The following CEP78 variants were observed in gnomAD, a reference collection of about 807,000 sequenced individuals.
CEP78 encodes centrosomal protein 78, also known as centrosomal protein of 78 kDa.
In CEP78, 76 loss-of-function variants were observed where a neutral mutation model predicts 81.2. That is an observed-to-expected ratio of 0.94 (90% CI 0.78 to 1.13). CEP78 has a LOEUF of 1.13. Ranked by LOEUF, CEP78 falls within the 50% of genes most tolerant of loss-of-function variation. The pLI is 0.00. For missense variants in CEP78, 918 were observed against 846.8 expected (o/e 1.08, Z -1.04); for synonymous variants, 293 against 301.4 (o/e 0.97, Z 0.29).
At chr9:78,260,099 G>T (rs773950439) in intron 11 of CEP78, among the ~76,000 whole-genome samples, 1 of 152,218 alleles carries the variant, frequency 6.6e-6, no homozygotes, top group Non-Finnish European at 1.5e-5. Flanking sequence ...TAAGTCAACA[G>T]AGTAGAGGTG....
chr9:78,237,552 G>A (rs1407094070), intron 1 of CEP78, among the ~76,000 whole-genome samples: 1 of 152,172 alleles, frequency 6.6e-6, no homozygotes, highest in Non-Finnish European at 1.5e-5. Flanking sequence ...GAGTATGCAA[G>A]CTGAGTTACA....
intron 6 of CEP78, 115 bp from the exon 7 acceptor site, chr9:78,248,175 GA>G: frequency 1.5e-6 from 1 of 681,018 alleles, no homozygotes; most frequent in Non-Finnish European, 2.6e-6. Flanking sequence ...ACATTATGTG[GA>G]ATTCATATTC....
intron 5 of CEP78, among the ~76,000 whole-genome samples, chr9:78,246,416 G>A (rs552110581): frequency 6.6e-6 from 1 of 152,218 alleles, no homozygotes; most frequent in South Asian, 2.1e-4. Context: ...TGGCTAACAC[G>A]GTGAAACCCT....
At chr9:78,263,393 A>G (rs1009520482) in intron 12 of CEP78, among the ~76,000 whole-genome samples, 1 of 152,196 alleles carries the variant, frequency 6.6e-6, no homozygotes, top group African/African-American at 2.4e-5. Context: ...TAAGAATGCA[A>G]TGAAAGATAA....
chr9:78,241,964 T>TA lies in CEP78; in HGVS notation c.603+166dup, dbSNP rs369820391. Among the ~76,000 whole-genome samples, 768 of 152,378 alleles carry TA rather than the reference T, an allele frequency of 5.0e-3. 7 individuals are homozygous for TA. Among genetic ancestry groups the TA allele is most frequent in the African/African-American group, 0.017 (689 of 41,590 alleles). ...ATTTTCAGCCTGGGGTTCTACCATT[T>TA]ATTAAAGGTAGTATGCTTAATCTTA... On this transcript the variant is annotated intron_variant, in intron 4 of 16. Coordinates refer to ENST00000643273, the MANE Select transcript of CEP78 (RefSeq NM_001330691.3).
At position 78,274,885 on chromosome 9, in the gene CEP78, A is replaced by G. The variant is rs1313328943; in HGVS notation, c.*4034A>G. 3 of 152,218 alleles carry G rather than the reference A, an allele frequency of 2.0e-5. No individual in the cohort carries two copies. Among genetic ancestry groups the G allele is most frequent in the Admixed American group, 6.5e-5 (1 of 15,288 alleles). 9.4% of individuals were successfully genotyped at this position (152,218 alleles called of 1,614,324 possible). A position where few individuals can be genotyped will look rare whatever the true frequency, so the allele number is the denominator to read the frequency against. On this transcript the variant is annotated 3_prime_UTR_variant, in exon 17 of 17. Transcript: ENST00000643273. ...ATTTTGATTTACTTTCCAGGAAGAA[A>G]GAAGACAAAAGAGATGAATTAAACA...
chr9:78,250,032 A>T (rs930190361), intron 8 of CEP78: 2 of 356,612 alleles, frequency 5.6e-6, no homozygotes, highest in Non-Finnish European at 9.9e-6. Flanking sequence ...TGGCTAAGAT[A>T]TAAAACAATT....
intron 5 of CEP78, among the ~76,000 whole-genome samples, chr9:78,244,413 C>T (rs1826385714): frequency 6.6e-6 from 1 of 152,136 alleles, no homozygotes; most frequent in Non-Finnish European, 1.5e-5. Flanking sequence ...CAGGCATGAG[C>T]CACTGTGCCC....
At chr9:78,261,693 C>T (rs1353561917) in intron 11 of CEP78, among the ~76,000 whole-genome samples, 1 of 152,124 alleles carries the variant, frequency 6.6e-6, no homozygotes, top group Non-Finnish European at 1.5e-5. Flanking sequence ...ATTCTTCTTT[C>T]TCCAATTGTG....
In CEP78 at chr9:78,236,485, C is replaced by T; in HGVS notation, c.135C>T (p.Phe45=). The change falls in exon 1 of 17, where the codon TTC becomes TTT. Residue 45 remains phenylalanine, a synonymous_variant. Transcript: ENST00000643273. ...GTCTCCGGGAGGGCGTGCTGGATTT[C>T]AACGCCGACCGCCTCCGCGGGGTGG... The part of the protein sequence containing the change: ...RACLREGVLD[F]NADRLRGVDW... 1 of 1,606,964 alleles carries T rather than the reference C, an allele frequency of 6.2e-7. No homozygotes were observed. Among genetic ancestry groups the T allele is most frequent in the Non-Finnish European group, 8.5e-7 (1 of 1,176,840 alleles).
At chr9:78,246,415 C>T (rs1041459226) in intron 5 of CEP78, among the ~76,000 whole-genome samples, 3 of 152,066 alleles carry the variant, frequency 2.0e-5, no homozygotes, top group Non-Finnish European at 4.4e-5. Context: ...CTGGCTAACA[C>T]GGTGAAACCC....
chr9:78,236,279 G>T lies in CEP78; in HGVS notation c.-72G>T. ...CCGTGGGTGCCGGAGCGGCCGGGTTGCGACTCAGCGTTCTTGGGTGGGCGC... is the reference window on the plus strand; with the variant it reads ...CCGTGGGTGCCGGAGCGGCCGGGTTTCGACTCAGCGTTCTTGGGTGGGCGC... On this transcript the variant is annotated 5_prime_UTR_variant, in exon 1 of 17. Transcript: ENST00000643273. 7.2e-7 allele frequency: 1 copy of T among 1,389,980 alleles called. No homozygotes were observed. The highest frequency in any genetic ancestry group is 1.3e-5 in the South Asian group (1 of 77,326). 86.1% of individuals were successfully genotyped at this position (1,389,980 alleles called of 1,614,324 possible).
At chr9:78,236,624 G>A in intron 1 of CEP78, 21 bp downstream of exon 1, 1 of 1,518,232 alleles carries the variant, frequency 6.6e-7, no homozygotes, top group Non-Finnish European at 8.8e-7. Flanking sequence ...CCCGCCTCCA[G>A]GGCCCCTCAG....
intron 13 of CEP78, among the ~76,000 whole-genome samples, chr9:78,264,903 G>A (rs1389946415): frequency 2.0e-5 from 3 of 152,140 alleles, no homozygotes; most frequent in Non-Finnish European, 2.9e-5. Context: ...TTTGCTGAAC[G>A]AATATACTGA....
At chr9:78,257,912 A>G (rs983914956) in intron 11 of CEP78, among the ~76,000 whole-genome samples, 2 of 152,218 alleles carry the variant, frequency 1.3e-5, no homozygotes, top group Admixed American at 6.5e-5. Context: ...CGGTCACTCT[A>G]TACAAGGGCT....
intron 11 of CEP78, among the ~76,000 whole-genome samples, chr9:78,260,039 A>T (rs1274248261): frequency 6.6e-6 from 1 of 152,200 alleles, no homozygotes; most frequent in Non-Finnish European, 1.5e-5. Context: ...ATAAACACTT[A>T]ATAAAATATA....
At chr9:78,263,565 G>T (rs1827375078) in intron 12 of CEP78, among the ~76,000 whole-genome samples, 1 of 152,132 alleles carries the variant, frequency 6.6e-6, no homozygotes, top group Non-Finnish European at 1.5e-5. Flanking sequence ...TTCAATAAAG[G>T]TTGAGCACCT....
chr9:78,268,722 G>T (rs1587613572), intron 16 of CEP78, among the ~76,000 whole-genome samples: 1 of 136,088 alleles, frequency 7.3e-6, no homozygotes, highest in African/African-American at 2.8e-5. Flanking sequence ...TTGCTCTGTC[G>T]CCCAGGCTGG....
chr9:78,244,809 A>G (rs748255086), intron 5 of CEP78, among the ~76,000 whole-genome samples: 73 of 152,196 alleles, frequency 4.8e-4, no homozygotes, highest in Non-Finnish European at 8.1e-4. Flanking sequence ...CCAGTTTTTC[A>G]TTGTTATAAA....
Sources: gnomAD v4.1 joint callset for allele counts (sites outside exome capture counted in the v4.1 genomes callset) on GRCh38, gnomAD v4.1.1 for gene constraint, MANE v1.5 for transcripts, NCBI Gene and HGNC (gene_info 2026-07-23, HGNC 2026-07-21) for gene names.